The following BAHCC1 variants were observed in gnomAD, a reference collection of about 807,000 sequenced individuals.
The protein encoded by BAHCC1 is BAH and coiled-coil domain-containing protein 1.
In BAHCC1, 43 loss-of-function variants were observed where a neutral mutation model predicts 88.2. The ratio of observed to expected loss-of-function variants is 0.49; its 90% CI spans 0.38 to 0.63. The LOEUF (loss-of-function observed/expected upper bound fraction) is 0.63, where lower values mean the gene tolerates loss of function less well. Ranked by LOEUF, BAHCC1 falls within the 20% of genes least tolerant of loss-of-function variation. The pLI, the probability that BAHCC1 is intolerant of heterozygous loss-of-function variation, is 0.00. For missense variants in BAHCC1, 3,023 were observed against 1,654.8 expected, an observed-to-expected ratio of 1.83 and a Z score of -14.34; for synonymous variants, 1,510 against 745.5, an observed-to-expected ratio of 2.03 and a Z score of -16.71.
chr17:81,459,588 G>T lies in BAHCC1; in HGVS notation c.5889G>T (p.Pro1963=). The T allele has an allele frequency of 1.3e-6, 1 of 779,668 alleles. No homozygotes were observed. Among genetic ancestry groups the T allele is most frequent in the Non-Finnish European group, 2.4e-6 (1 of 417,904 alleles). The allele number at this position is 779,668 out of a possible 1,614,324, so 48.3% of individuals were successfully genotyped here. A position where few individuals can be genotyped will look rare whatever the true frequency, so the allele number is the denominator to read the frequency against. ...GTCAGAAGTCTCGATGTCTGTACCCGGGCAACGTGGTCCGGGGTAAGTTGC... is the reference window on the plus strand; with the variant it reads ...GTCAGAAGTCTCGATGTCTGTACCCTGGCAACGTGGTCCGGGGTAAGTTGC... ...YWSQKSRCLY[P]GNVVRGASGD... The change falls in exon 23 of 28, where the codon CCG becomes CCT. Residue 1963 remains proline (P), a synonymous_variant. Coordinates refer to ENST00000675386, the MANE Select transcript of BAHCC1 (RefSeq NM_001377448.1).
chr17:81,464,202 C>G lies in BAHCC1; in HGVS notation c.*385C>G. 2 of 295,222 alleles carry G rather than the reference C, an allele frequency of 6.8e-6. No individual in the cohort carries two copies. Among genetic ancestry groups the G allele is most frequent in the Non-Finnish European group, 1.3e-5 (2 of 154,230 alleles). The allele number at this position is 295,222 out of a possible 1,614,324, so 18.3% of individuals were successfully genotyped here. The stretch of plus-strand genomic sequence containing the variant: ...TCAGGTGTGTTGTCTATTTATTTCT[C>G]TATGTAAATATTGTATTTCTGCGGG... On this transcript the variant is annotated 3_prime_UTR_variant, in exon 28 of 28. Transcript: ENST00000675386.
intron 6 of BAHCC1, 82 bp downstream of exon 6, chr17:81,443,999 G>A (rs1344991001): frequency 1.3e-5 from 9 of 684,008 alleles, no homozygotes; most frequent in Middle Eastern, 3.1e-4. Flanking sequence ...TGGAGAAAGA[G>A]GGGTGGTCAT....
chr17:81,443,296 A>G lies in BAHCC1; in HGVS notation c.1947A>G (p.Lys649=), dbSNP rs782628225. 1.3e-6 allele frequency: 1 copy of G among 779,438 alleles called. No homozygotes were observed. Among genetic ancestry groups the G allele is most frequent in the South Asian group, 1.3e-5 (1 of 74,626 alleles). The allele number at this position is 779,438 out of a possible 1,614,324, so 48.3% of individuals were successfully genotyped here. The change falls in exon 5 of 28, where the codon AAA becomes AAG. Residue 649 remains lysine, a synonymous_variant. Coordinates refer to ENST00000675386, the MANE Select transcript of BAHCC1 (RefSeq NM_001377448.1). ...YSSQALVVGQ[K]APLVGLGGLK... is the part of the protein sequence containing the mutation. ...GCCAGGCCCTGGTGGTGGGCCAGAA[A>G]GCACCCTTGGTGGGCCTGGGTGGCC...
intron 4 of BAHCC1, among the ~76,000 whole-genome samples, chr17:81,440,762 C>G (rs551344048): frequency 1.3e-5 from 2 of 152,208 alleles, no homozygotes; most frequent in African/African-American, 4.8e-5. Flanking sequence ...CACTCACCCC[C>G]CACCAGGCAG....
intron 3 of BAHCC1, among the ~76,000 whole-genome samples, chr17:81,437,613 G>GGTGGCTGGGT (rs1240921016): frequency 6.6e-6 from 1 of 152,244 alleles, no homozygotes; most frequent in Non-Finnish European, 1.5e-5. Context: ...CAGCCGCGTG[G>GGTGGCTGGGT]GTGGCTGGGT....
Position 81,411,151 on chromosome 17 carries a change from A to G in BAHCC1, c.178+11234A>G, listed in dbSNP as rs1555647780. On this transcript the variant is annotated intron_variant, in intron 2 of 27. Coordinates refer to ENST00000675386, the MANE Select transcript of BAHCC1 (RefSeq NM_001377448.1). This position sits in a 1 kb window ranked among gnomAD's most constrained non-coding sequence, Gnocchi z 6.2. ...GTGAGTCCATTCATCACGTGCCTGC[A>G]GGTGCCTGTGTCCTGTCTCTGCCCC... The G allele has an allele frequency of 9.6e-6, 5 of 519,142 alleles. No homozygotes were observed. The highest frequency in any genetic ancestry group is 1.1e-4 in the East Asian group (2 of 18,318). The allele number at this position is 519,142 out of a possible 1,614,324, so 32.2% of individuals were successfully genotyped here. A position where few individuals can be genotyped will look rare whatever the true frequency, so the allele number is the denominator to read the frequency against.
intron 10 of BAHCC1, chr17:81,446,744 G>C: frequency 1.7e-6 from 1 of 581,112 alleles, no homozygotes; most frequent in Non-Finnish European, 3.3e-6. Context: ...GTAGTGGCAC[G>C]TGCTCACTCT....
chr17:81,399,649 C>A lies in BAHCC1; in HGVS notation c.-91C>A. The A allele has an allele frequency of 1.1e-6, 1 of 893,084 alleles. No homozygotes were observed. Among genetic ancestry groups the A allele is most frequent in the Non-Finnish European group, 1.4e-6 (1 of 711,702 alleles). The allele number at this position is 893,084 out of a possible 1,614,324, so 55.3% of individuals were successfully genotyped here. A position where few individuals can be genotyped will look rare whatever the true frequency, so the allele number is the denominator to read the frequency against. On this transcript the variant is annotated 5_prime_UTR_variant, in exon 2 of 28. Transcript: ENST00000675386. This position sits in a 1 kb window ranked among gnomAD's most constrained non-coding sequence, Gnocchi z 4.5. ...CCACCGCCTGTGACCCCGGACGCCG[C>A]CGCCTCTGCGCCGCCCGCGCGCCGA...
chr17:81,445,702 C>A, intron 10 of BAHCC1, 21 bp downstream of exon 10: 1 of 718,210 alleles, frequency 1.4e-6, no homozygotes, highest in Middle Eastern at 2.3e-4. Flanking sequence ...CCGCCTGGCC[C>A]GGCCCACTGT....
At chr17:81,451,629 G>A in intron 11 of BAHCC1, 39 bp from the exon 12 acceptor site, 1 of 754,274 alleles carries the variant, frequency 1.3e-6, no homozygotes, top group Middle Eastern at 2.3e-4. Context: ...GGCAGTGTGT[G>A]CCCAGTTATG....
At chr17:81,407,059 C>CG in intron 2 of BAHCC1, 1 of 447,004 alleles carries the variant, frequency 2.2e-6, no homozygotes, top group Non-Finnish European at 4.5e-6. Context: ...TCTTGAGATG[C>CG]GGGGACTCTG....
rs374449332 is a variant in BAHCC1 at position 81,412,956 on chromosome 17, G to A, written c.178+13039G>A. On this transcript the variant is annotated intron_variant, in intron 2 of 27. Transcript: ENST00000675386. Reference sequence around the variant, plus strand: ...GGCTGGAAGGAGAGAGTGAGAGAGCGCAGGACGGAAGCTCGGTGCGGGTGC... The same window carrying A: ...GGCTGGAAGGAGAGAGTGAGAGAGCACAGGACGGAAGCTCGGTGCGGGTGC... The A allele has an allele frequency of 3.6e-5, 10 of 275,158 alleles. No individual in the cohort carries two copies. In the East Asian group the frequency reaches 9.5e-4, roughly 26 times the overall value. The allele number at this position is 275,158 out of a possible 1,614,324, so 17.0% of individuals were successfully genotyped here.
In BAHCC1 at chr17:81,461,278, G is replaced by A. The variant is rs2030239686; in HGVS notation, c.6615G>A (p.Glu2205=). 1.4e-6 allele frequency: 1 copy of A among 706,378 alleles called. No homozygotes were observed. Among genetic ancestry groups the A allele is most frequent in the Non-Finnish European group, 2.6e-6 (1 of 383,844 alleles). The allele number at this position is 706,378 out of a possible 1,614,324, so 43.8% of individuals were successfully genotyped here. ...GTGGGCGGCGGCGGGCGGGCGGTGAGTTCCTGGTCAAGCTGGACCACGAGG... is the reference window on the plus strand; with the variant it reads ...GTGGGCGGCGGCGGGCGGGCGGTGAATTCCTGGTCAAGCTGGACCACGAGG... ...EKGGRRRAGG[E]FLVKLDHEGV... The change falls in exon 26 of 28, where the codon GAG becomes GAA. Residue 2205 remains glutamate, a synonymous_variant. Transcript: ENST00000675386.
chr17:81,403,136 G>GA (rs1274359597), intron 2 of BAHCC1, among the ~76,000 whole-genome samples: 4 of 152,324 alleles, frequency 2.6e-5, no homozygotes, highest in African/African-American at 9.6e-5. Flanking sequence ...CCTCTGCTGG[G>GA]AGTGTGTGTG....
intron 2 of BAHCC1, among the ~76,000 whole-genome samples, chr17:81,424,356 C>T (rs960579351): frequency 3.9e-5 from 6 of 152,200 alleles, no homozygotes; most frequent in South Asian, 4.1e-4. Flanking sequence ...TTGGCAAGTT[C>T]GCCAGTGTGT....
At chr17:81,463,034 G>A (rs1031258484) in intron 27 of BAHCC1, 58 bp downstream of exon 27, 25 of 741,964 alleles carry the variant, frequency 3.4e-5, no homozygotes, top group African/African-American at 1.5e-4. Flanking sequence ...GAGGGGACAC[G>A]ACAGCAGCCA....
At chr17:81,426,191 T>C (rs1224449495) in intron 2 of BAHCC1, among the ~76,000 whole-genome samples, 31 of 86,788 alleles carry the variant, frequency 3.6e-4, no homozygotes, top group Admixed American at 5.5e-4. Context: ...ATGTGGTTGG[T>C]GGTGATGTGG....
chr17:81,421,904 C>T (rs1555649623), intron 2 of BAHCC1: 2 of 389,790 alleles, frequency 5.1e-6, no homozygotes, highest in Non-Finnish European at 1.0e-5. Context: ...AGCATGCGAC[C>T]CCATGTGATA....
rs376129993 is a variant in BAHCC1 at position 81,423,747 on chromosome 17, G to A, written c.179-3053G>A. ...GCTGTGTCCTCCGTGTGCAGGAGCC[G>A]ATAGTCATGGCAACTCTGGGAGGCT... On this transcript the variant is annotated intron_variant, in intron 2 of 27. Coordinates refer to ENST00000675386, the MANE Select transcript of BAHCC1 (RefSeq NM_001377448.1). Among the ~76,000 whole-genome samples, 211 of 152,364 alleles carry A rather than the reference G, an allele frequency of 1.4e-3. 1 individual carries two copies. Among genetic ancestry groups the A allele is most frequent in the African/African-American group, 4.2e-3 (176 of 41,586 alleles).
Sources: gnomAD v4.1 joint callset for allele counts (sites outside exome capture counted in the v4.1 genomes callset) on GRCh38, gnomAD v4.1.1 for gene constraint, Gnocchi (gnomAD v3.1) non-coding constraint, MANE v1.5 for transcripts, NCBI Gene and HGNC (gene_info 2026-07-23, HGNC 2026-07-21) for gene names.